NXN: variants seen among roughly 807,000 people sequenced by gnomAD.
NXN encodes nucleoredoxin 1.
NXN carries 16 observed loss-of-function variants against 48.6 expected under a neutral mutation model. That is an observed-to-expected ratio of 0.33 (90% confidence interval 0.22 to 0.50). The LOEUF is 0.50. NXN is among the 20% of genes least tolerant of loss of function. The probability of loss-of-function intolerance (pLI) is 0.98; values close to 1 mark genes in which losing one functional copy is unlikely to be tolerated. For synonymous variants in NXN, 281 were observed against 269.6 expected (o/e 1.04, Z -0.41); for missense variants, 492 against 605.5 (o/e 0.81, Z 1.97).
At chr17:808,364 G>A (rs531193392) in intron 5 of NXN, among the ~76,000 whole-genome samples, 13 of 151,018 alleles carry the variant, frequency 8.6e-5, no homozygotes, top group Admixed American at 1.3e-4. Flanking sequence ...GTGCAGTGGC[G>A]CGATCTCGGC....
rs1159185042 is a variant in NXN at position 947,732 on chromosome 17, CAA to C, written c.360+31585_360+31586del. Among the ~76,000 whole-genome samples the C allele has an allele frequency of 9.3e-3, 341 of 36,636 alleles. 3 individuals carry two copies. The highest frequency in any genetic ancestry group is 0.027 in the African/African-American group (300 of 11,312). 24.0% of individuals were successfully genotyped at this position (36,636 alleles called of 152,430 possible). ...TGGGCAACAGGGTGAGGCTCCCTCT[CAA>C]AAAAAAAAAAAAAAAAAAAAGGGCC... On this transcript the variant is annotated intron_variant, in intron 1 of 7. Coordinates refer to ENST00000336868, the MANE Select transcript of NXN (RefSeq NM_022463.5).
rs569206325 is a variant in NXN at position 978,835 on chromosome 17, GCCCTCCCCTC to G, written c.360+474_360+483del. 1.7e-4 allele frequency among the ~76,000 whole-genome samples: 26 copies of G among 151,204 alleles called. No individual in the cohort carries two copies. The highest frequency in any genetic ancestry group is 3.9e-4 in the African/African-American group (16 of 41,124). On this transcript the variant is annotated intron_variant, in intron 1 of 7. Transcript: ENST00000336868. This position sits in a 1 kb window ranked among gnomAD's most constrained non-coding sequence, Gnocchi z 4.1. ...TGGGCGCCACGGGCGGGGGGCGTGC[GCCCTCCCCTC>G]CCCTCCCCTCCCCACTGTGGGAATC...
intron 1 of NXN, among the ~76,000 whole-genome samples, chr17:957,650 T>C (rs2069187306): frequency 6.6e-6 from 1 of 151,574 alleles, no homozygotes; most frequent in South Asian, 2.1e-4. Flanking sequence ...AAAAAAGCAT[T>C]TCTGCAACCC....
At chr17:814,923 G>A (rs377456474) in intron 5 of NXN, among the ~76,000 whole-genome samples, 21 of 152,226 alleles carry the variant, frequency 1.4e-4, no homozygotes, top group African/African-American at 3.4e-4. Context: ...CCACCACCAC[G>A]CCTGGCTAAT....
chr17:827,189 C>G (rs1055390588), intron 1 of NXN, among the ~76,000 whole-genome samples: 1 of 152,014 alleles, frequency 6.6e-6, no homozygotes, highest in African/African-American at 2.4e-5. Flanking sequence ...ACTTAAAATA[C>G]AAAAATTAGC....
Position 967,022 on chromosome 17 carries a change from G to A in NXN, c.360+12297C>T, listed in dbSNP as rs147954301. 3.2e-3 allele frequency among the ~76,000 whole-genome samples: 489 copies of A among 152,172 alleles called. 2 individuals are homozygous for A. Among genetic ancestry groups the A allele is most frequent in the East Asian group, 0.03 (153 of 5,166 alleles). ...CTTCCTCAGGAGATGGTGTGTTGGG[G>A]TCACTGGAAACACCCCACACAGAGA... On this transcript the variant is annotated intron_variant, in intron 1 of 7. Transcript: ENST00000336868.
At chr17:916,767 G>A (rs1164056307) in intron 1 of NXN, among the ~76,000 whole-genome samples, 1 of 152,116 alleles carries the variant, frequency 6.6e-6, no homozygotes, top group South Asian at 2.1e-4. Context: ...GTGTGGTGGC[G>A]GACATCTGTA....
chr17:950,334 G>A (rs560850891), intron 1 of NXN, among the ~76,000 whole-genome samples: 4 of 152,166 alleles, frequency 2.6e-5, no homozygotes, highest in Admixed American at 6.5e-5. Context: ...CAGAGATGAA[G>A]AACTTTAGGG....
intron 1 of NXN, among the ~76,000 whole-genome samples, chr17:916,267 G>A (rs1354647242): frequency 1.3e-5 from 2 of 152,130 alleles, no homozygotes; most frequent in East Asian, 1.9e-4. Context: ...GGAGTGAGGT[G>A]CTGTGAGGTT....
chr17:813,628 G>A (rs1172082679), intron 5 of NXN, among the ~76,000 whole-genome samples: 1 of 152,204 alleles, frequency 6.6e-6, no homozygotes, highest in African/African-American at 2.4e-5. Context: ...GTGTCAAGAA[G>A]TGCATGCATA....
At chr17:963,950 G>A (rs181385669) in intron 1 of NXN, among the ~76,000 whole-genome samples, 3 of 150,816 alleles carry the variant, frequency 2.0e-5, no homozygotes, top group East Asian at 2.0e-4. Context: ...GGTGGCGGGC[G>A]CCTGTAATCC....
chr17:901,477 A>G (rs969900572), intron 1 of NXN, among the ~76,000 whole-genome samples: 10 of 152,186 alleles, frequency 6.6e-5, no homozygotes, highest in African/African-American at 2.4e-4. Context: ...CAAATGCTTC[A>G]GCTGCCCTGA....
chr17:818,252 C>A (rs1175585423), intron 5 of NXN, among the ~76,000 whole-genome samples: 2 of 152,026 alleles, frequency 1.3e-5, no homozygotes, highest in Non-Finnish European at 2.9e-5. Context: ...CACGGTGAGA[C>A]CCTGACTTAA....
intron 5 of NXN, among the ~76,000 whole-genome samples, chr17:805,607 T>C (rs970122728): frequency 6.6e-6 from 1 of 152,024 alleles, no homozygotes; most frequent in Admixed American, 6.5e-5. Flanking sequence ...GAGGCTGAGG[T>C]GGATGGATCA....
At chr17:870,322 CG>C (rs1475001831) in intron 1 of NXN, among the ~76,000 whole-genome samples, 7 of 152,124 alleles carry the variant, frequency 4.6e-5, no homozygotes, top group African/African-American at 1.7e-4. Context: ...GTGTTACTAA[CG>C]GGGCAAGCAC....
intron 1 of NXN, among the ~76,000 whole-genome samples, chr17:922,336 C>T (rs2068757572): frequency 6.6e-6 from 1 of 151,910 alleles, no homozygotes; most frequent in Non-Finnish European, 1.5e-5. Flanking sequence ...CTACTCTACT[C>T]GGGAGACTGA....
At position 800,841 on chromosome 17, in the gene NXN, T is replaced by G. The variant is rs932267294; in HGVS notation, c.*108A>C. On this transcript the variant is annotated 3_prime_UTR_variant, in exon 8 of 8. Coordinates refer to ENST00000336868, the MANE Select transcript of NXN (RefSeq NM_022463.5). ...AAGGCACCACAGAGAGGCTGGACAC[T>G]TGGGTGGTGGGATTCGGGGCACGCT... is the stretch of plus-strand genomic sequence containing the variant. 3 of 667,118 alleles carry G rather than the reference T, an allele frequency of 4.5e-6. No individual in the cohort carries two copies. Among genetic ancestry groups the G allele is most frequent in the Non-Finnish European group, 6.6e-6 (3 of 452,492 alleles). The allele number at this position is 667,118 out of a possible 1,614,324, so 41.3% of individuals were successfully genotyped here.
chr17:918,103 TAAG>T (rs1399421351), intron 1 of NXN, among the ~76,000 whole-genome samples: 2 of 152,118 alleles, frequency 1.3e-5, no homozygotes, highest in Non-Finnish European at 2.9e-5. Context: ...ATGATCCTAC[TAAG>T]AAGATGGGCC....
Position 898,351 on chromosome 17 carries a change from C to T in NXN, c.361-72273G>A, listed in dbSNP as rs555166667. 2.6e-5 allele frequency among the ~76,000 whole-genome samples: 4 copies of T among 151,646 alleles called. No homozygotes were observed. The South Asian group carries it at 8.4e-4, about 32-fold the overall frequency. Reference sequence around the variant, plus strand: ...TGGGACACACCCCTCTTCAGCTCCCCTGCCTGGAACACCTTTGATCCCATC... The same window carrying T: ...TGGGACACACCCCTCTTCAGCTCCCTTGCCTGGAACACCTTTGATCCCATC... On this transcript the variant is annotated intron_variant, in intron 1 of 7. Coordinates refer to ENST00000336868, the MANE Select transcript of NXN (RefSeq NM_022463.5).
Sources: gnomAD v4.1 joint callset for allele counts (sites outside exome capture counted in the v4.1 genomes callset) on GRCh38, gnomAD v4.1.1 for gene constraint, Gnocchi (gnomAD v3.1) non-coding constraint, MANE v1.5 for transcripts, NCBI Gene and HGNC (gene_info 2026-07-23, HGNC 2026-07-21) for gene names.